Variants in RPS6KC1 observed in about 807,000 individuals in gnomAD.
RPS6KC1 encodes ribosomal protein S6 kinase C1.
A neutral mutation model predicts 103.8 loss-of-function variants in RPS6KC1; 54 were observed. The observed-to-expected ratio is 0.52, with a 90% CI of 0.42 to 0.65. The LOEUF is 0.65. Among genes scored for constraint, RPS6KC1 ranks in the 30% least tolerant of loss-of-function variants. The pLI is 0.00. For synonymous variants in RPS6KC1, 439 were observed against 438.7 expected (o/e 1.00, Z -0.01); for missense variants, 1,151 against 1,253.8 (o/e 0.92, Z 1.24).
chr1:213,745,119 A>G, the RPS6KC1 span, among the ~76,000 whole-genome samples: 1 of 152,242 alleles, frequency 6.6e-6, no homozygotes, highest in African/African-American at 2.4e-5. Flanking sequence ...AGGTAAGGTC[A>G]TTAGAACTCT....
At chr1:213,705,252 G>T in the RPS6KC1 span, among the ~76,000 whole-genome samples, 1 of 151,804 alleles carries the variant, frequency 6.6e-6, no homozygotes, top group South Asian at 2.1e-4. Flanking sequence ...GTGCTGTCCG[G>T]GATCCAGGGA....
chr1:213,094,185 GTC>G (rs2081248865), intron 3 of RPS6KC1, among the ~76,000 whole-genome samples: 2 of 148,930 alleles, frequency 1.3e-5, no homozygotes, highest in South Asian at 4.2e-4. Flanking sequence ...CTGCATTTCT[GTC>G]TCTATGTATG....
chr1:213,167,326 A>G (rs1275840983), intron 6 of RPS6KC1, among the ~76,000 whole-genome samples: 2 of 152,130 alleles, frequency 1.3e-5, no homozygotes, highest in Non-Finnish European at 2.9e-5. Context: ...GGGTTCTACT[A>G]GTAGTCTTTT....
At chr1:213,741,234 C>G in the RPS6KC1 span, among the ~76,000 whole-genome samples, 1 of 151,772 alleles carries the variant, frequency 6.6e-6, no homozygotes, top group African/African-American at 2.4e-5. Context: ...ACTTCACATA[C>G]TTATTTTTTG....
chr1:213,701,803 T>C, the RPS6KC1 span, among the ~76,000 whole-genome samples: 1 of 151,866 alleles, frequency 6.6e-6, no homozygotes, highest in African/African-American at 2.4e-5. Context: ...TCTTCTCACT[T>C]TTTTTTTCTT....
chr1:213,067,011 G>A (rs370171490), intron 1 of RPS6KC1, among the ~76,000 whole-genome samples: 3 of 152,126 alleles, frequency 2.0e-5, no homozygotes, highest in Non-Finnish European at 4.4e-5. Context: ...TTGGAGAAGC[G>A]AATCAGAAAC....
chr1:213,123,032 TGGG>T (rs1221763707), intron 5 of RPS6KC1, among the ~76,000 whole-genome samples: 6 of 152,170 alleles, frequency 3.9e-5, no homozygotes. Flanking sequence ...TGGTATGCCA[TGGG>T]AATCATTATA....
At chr1:213,474,525 A>C in the RPS6KC1 span, among the ~76,000 whole-genome samples, 1 of 152,326 alleles carries the variant, frequency 6.6e-6, no homozygotes, top group East Asian at 1.9e-4. Context: ...TTTATCAAGC[A>C]GGCTGAAGGG....
At chr1:213,749,254 G>A in the RPS6KC1 span, among the ~76,000 whole-genome samples, 1 of 152,226 alleles carries the variant, frequency 6.6e-6, no homozygotes. Flanking sequence ...CTGTAAGAGA[G>A]TGTTTGGCGG....
the RPS6KC1 span, among the ~76,000 whole-genome samples, chr1:213,765,905 C>T: frequency 1.3e-5 from 2 of 152,156 alleles, no homozygotes; most frequent in South Asian, 4.2e-4. Flanking sequence ...TAATTTAAAC[C>T]AAGTGATGAT....
At chr1:213,254,738 C>T (rs1573628387) in intron 12 of RPS6KC1, among the ~76,000 whole-genome samples, 1 of 152,136 alleles carries the variant, frequency 6.6e-6, no homozygotes, top group East Asian at 1.9e-4. Flanking sequence ...TTTGATATCA[C>T]CATCTCTTTT....
chr1:213,176,505 T>G lies in RPS6KC1; in HGVS notation c.1044+13T>G. The G allele has an allele frequency of 6.4e-7, 1 of 1,554,284 alleles. No individual in the cohort carries two copies. Among genetic ancestry groups the G allele is most frequent in the Non-Finnish European group, 8.8e-7 (1 of 1,130,152 alleles). On this transcript the variant is annotated intron_variant, in intron 8 of 14. Coordinates refer to ENST00000366960, the MANE Select transcript of RPS6KC1 (RefSeq NM_012424.6). ...GGTGATTGACAAGGTAATTCTTCAG[T>G]GTCTCTTCAAGAGTTCAGTCATAAA...
At chr1:213,774,464 T>C in the RPS6KC1 span, among the ~76,000 whole-genome samples, 2 of 152,172 alleles carry the variant, frequency 1.3e-5, no homozygotes, top group South Asian at 2.1e-4. Context: ...CCCAAGGACT[T>C]GTATTCTAAT....
At chr1:213,267,872 A>T (rs2094947709) in intron 14 of RPS6KC1, among the ~76,000 whole-genome samples, 2 of 151,974 alleles carry the variant, frequency 1.3e-5, no homozygotes, top group Admixed American at 1.3e-4. Context: ...ATTAATAGAA[A>T]TTATTGAATC....
At chr1:213,576,371 G>GTTT in the RPS6KC1 span, among the ~76,000 whole-genome samples, 320 of 140,112 alleles carry the variant, frequency 2.3e-3, no homozygotes, top group African/African-American at 2.9e-3. Flanking sequence ...GATACTGTGG[G>GTTT]TTTTTTTTTT....
At chr1:213,372,367 C>A in the RPS6KC1 span, among the ~76,000 whole-genome samples, 1 of 152,194 alleles carries the variant, frequency 6.6e-6, no homozygotes, top group Non-Finnish European at 1.5e-5. Context: ...GGCAGGAATG[C>A]AGGTGCAGGA....
At chr1:213,697,034 A>G in the RPS6KC1 span, among the ~76,000 whole-genome samples, 2 of 152,198 alleles carry the variant, frequency 1.3e-5, no homozygotes, top group South Asian at 2.1e-4. Flanking sequence ...CCCCCTCCTC[A>G]GGTTTAATTA....
At position 213,261,658 on chromosome 1, in the gene RPS6KC1, C is replaced by T. The variant is rs376937346; in HGVS notation, c.2994+18C>T. ...CTGGCAAGGTAAGCAGTGGCCTGGA[C>T]GTTTAATAAATTTACTCAGATGCTA... On this transcript the variant is annotated intron_variant, in intron 13 of 14. Coordinates refer to ENST00000366960, the MANE Select transcript of RPS6KC1 (RefSeq NM_012424.6). The T allele has an allele frequency of 4.7e-5, 76 of 1,601,872 alleles. No individual in the cohort carries two copies. In the African/African-American group the frequency reaches 6.2e-4, roughly 13 times the overall value.
chr1:213,799,144 C>G, the RPS6KC1 span, among the ~76,000 whole-genome samples: 1 of 152,182 alleles, frequency 6.6e-6, no homozygotes, highest in Non-Finnish European at 1.5e-5. Context: ...TGTCCGCCCT[C>G]CTGTCATCAA....
Sources: allele counts gnomAD v4.1 joint callset (sites outside exome capture counted in the v4.1 genomes callset), GRCh38; gene constraint gnomAD v4.1.1; transcripts MANE v1.5; gene names NCBI Gene and HGNC (gene_info 2026-07-23, HGNC 2026-07-21).